The following BTBD10 variants were observed in gnomAD, a reference collection of about 807,000 sequenced individuals.
BTBD10 encodes BTB/POZ domain-containing protein 10.
A neutral mutation model predicts 53.2 loss-of-function variants in BTBD10; 21 were observed. That is an observed-to-expected ratio of 0.39 (90% CI 0.28 to 0.57). BTBD10 has a LOEUF of 0.57. Ranked by LOEUF, BTBD10 falls within the 20% of genes least tolerant of loss-of-function variation. The pLI, the probability that BTBD10 is intolerant of heterozygous loss-of-function variation, is 0.53. For synonymous variants in BTBD10, 149 were observed against 192.7 expected, an observed-to-expected ratio of 0.77 and a Z score of 1.88; for missense variants, 360 against 594.7, an observed-to-expected ratio of 0.61 and a Z score of 4.10.
chr11:13,396,656 A>T (rs974993587), intron 8 of BTBD10, among the ~76,000 whole-genome samples: 12 of 152,228 alleles, frequency 7.9e-5, no homozygotes, highest in African/African-American at 2.9e-4. Context: ...TTGCCCATTC[A>T]GTATGATACT....
chr11:13,440,133 C>G, intron 2 of BTBD10: 2 of 1,508,008 alleles, frequency 1.3e-6, no homozygotes, highest in Middle Eastern at 1.7e-4. Flanking sequence ...CCTCCCTCTA[C>G]TGTGTAATAA....
chr11:13,436,508 T>C (rs1158828429), intron 2 of BTBD10, among the ~76,000 whole-genome samples: 1 of 152,168 alleles, frequency 6.6e-6, no homozygotes, highest in Non-Finnish European at 1.5e-5. Context: ...CACTTGGGCA[T>C]TTAGAACAAT....
chr11:13,457,867 A>C (rs1265098920), intron 1 of BTBD10, among the ~76,000 whole-genome samples: 1 of 152,150 alleles, frequency 6.6e-6, no homozygotes, highest in Non-Finnish European at 1.5e-5. Context: ...TTATGGTACC[A>C]TTTTCTTCTT....
intron 1 of BTBD10, chr11:13,459,774 A>C (rs1008405908): frequency 6.6e-6 from 1 of 152,236 alleles, no homozygotes; most frequent in African/African-American, 2.4e-5. Flanking sequence ...TAGCCTAAGA[A>C]TTGAGAGTCC....
At chr11:13,460,106 A>C (rs1324363746) in intron 1 of BTBD10, among the ~76,000 whole-genome samples, 1 of 152,234 alleles carries the variant, frequency 6.6e-6, no homozygotes, top group East Asian at 1.9e-4. Flanking sequence ...CAGAGATTGA[A>C]TGAACAGATA....
intron 8 of BTBD10, among the ~76,000 whole-genome samples, chr11:13,401,434 C>A (rs1008626602): frequency 6.6e-6 from 1 of 152,110 alleles, no homozygotes; most frequent in Non-Finnish European, 1.5e-5. Flanking sequence ...AACTTGACTT[C>A]TCTCAAGGAG....
chr11:13,451,764 T>G (rs1394502707), intron 1 of BTBD10, among the ~76,000 whole-genome samples: 1 of 152,294 alleles, frequency 6.6e-6, no homozygotes, highest in Non-Finnish European at 1.5e-5. Flanking sequence ...TGACTCCAAG[T>G]TGGCCCAGAT....
At chr11:13,417,285 T>C (rs768235133) in intron 4 of BTBD10, 25 bp from the exon 5 acceptor site, 1 of 1,513,298 alleles carries the variant, frequency 6.6e-7, no homozygotes, top group Admixed American at 1.8e-5. Context: ...AATTGAGAAA[T>C]ACGTCAATAG....
rs562160734 is a variant in BTBD10, at chr11:13,453,279, A to G, written c.-57-8098T>C. On this transcript the variant is annotated intron_variant, in intron 1 of 8. Coordinates refer to ENST00000278174, the MANE Select transcript of BTBD10 (RefSeq NM_032320.7). ...TTTACACACAAGAAAAACAAAAACA[A>G]AAAAACAGAAAAAAGAAAATTTAAA... Among the ~76,000 whole-genome samples the G allele has an allele frequency of 1.8e-4, 27 of 152,290 alleles. 1 individual carries two copies. In the South Asian group the frequency reaches 5.4e-3, roughly 30 times the overall value.
intron 8 of BTBD10, 94 bp from the exon 9 acceptor site, chr11:13,389,235 G>T: frequency 9.9e-7 from 1 of 1,011,526 alleles, no homozygotes; most frequent in Non-Finnish European, 1.4e-6. Flanking sequence ...AGATCCTAAA[G>T]AAACAAATTT....
chr11:13,417,234 T>A lies in BTBD10; in HGVS notation c.611A>T (p.Asn204Ile), dbSNP rs1445605005. 6.2e-7 allele frequency: 1 copy of A among 1,613,264 alleles called. No individual in the cohort carries two copies. The highest frequency in any genetic ancestry group is 8.5e-7 in the Non-Finnish European group (1 of 1,179,580). Residue 204 changes from asparagine (N) to isoleucine (I), a missense_variant, in exon 5 of 9, where the codon AAC (asparagine) becomes ATC (isoleucine). Asn to Ile is a moderately radical substitution (Grantham distance 149). Coordinates refer to ENST00000278174, the MANE Select transcript of BTBD10 (RefSeq NM_032320.7). ...GRMFGSGREH[N>I]FTRPNEKGEY... ...TCCTTTCTCATTGGGTCGTGTAAAG[T>A]TATGTTCTCGGCCAGATCCAAACAT...
intron 2 of BTBD10, among the ~76,000 whole-genome samples, chr11:13,424,273 G>T (rs1245553150): frequency 6.6e-6 from 1 of 152,072 alleles, no homozygotes; most frequent in African/African-American, 2.4e-5. Flanking sequence ...TTTGAGTAAG[G>T]GCCAAGCAGA....
intron 1 of BTBD10, among the ~76,000 whole-genome samples, chr11:13,456,898 C>T (rs985263891): frequency 2.9e-4 from 44 of 152,150 alleles, no homozygotes; most frequent in Non-Finnish European, 7.3e-5. Flanking sequence ...CAGTGACTCA[C>T]GCCTATAATC....
At chr11:13,425,543 A>G (rs1280622740) in intron 2 of BTBD10, among the ~76,000 whole-genome samples, 1 of 152,198 alleles carries the variant, frequency 6.6e-6, no homozygotes, top group African/African-American at 2.4e-5. Flanking sequence ...AACATTAAAA[A>G]GTCACTATAA....
intron 5 of BTBD10, among the ~76,000 whole-genome samples, chr11:13,415,354 G>A (rs1324700142): frequency 6.6e-6 from 1 of 152,114 alleles, no homozygotes; most frequent in East Asian, 1.9e-4. Flanking sequence ...CTGACAAACT[G>A]CATCTGCCGC....
chr11:13,388,645 A>G lies in BTBD10; in HGVS notation c.*186T>C, dbSNP rs1360585045. The G allele has an allele frequency of 1.8e-6, 1 of 556,262 alleles. No individual in the cohort carries two copies. Among genetic ancestry groups the G allele is most frequent in the Non-Finnish European group, 3.1e-6 (1 of 327,364 alleles). The allele number at this position is 556,262 out of a possible 1,614,324, so 34.5% of individuals were successfully genotyped here. On this transcript the variant is annotated 3_prime_UTR_variant, in exon 9 of 9. Transcript: ENST00000278174. ...TTTACAACTGGAACTTCAAAATGCT[A>G]GAGTTGTACTCATTTAAAAAAAAAC... is the stretch of plus-strand genomic sequence containing the variant.
chr11:13,420,429 T>C (rs1324347162), intron 3 of BTBD10, among the ~76,000 whole-genome samples: 1 of 152,174 alleles, frequency 6.6e-6, no homozygotes, highest in Non-Finnish European at 1.5e-5. Flanking sequence ...TTTTATGATC[T>C]ATAATTACAG....
At chr11:13,456,887 G>A (rs919856996) in intron 1 of BTBD10, among the ~76,000 whole-genome samples, 46 of 152,244 alleles carry the variant, frequency 3.0e-4, no homozygotes, top group African/African-American at 5.8e-4. Context: ...AGGGTCTGGC[G>A]CAGTGACTCA....
At chr11:13,450,472 C>T (rs1950837037) in intron 1 of BTBD10, among the ~76,000 whole-genome samples, 1 of 152,112 alleles carries the variant, frequency 6.6e-6, no homozygotes, top group African/African-American at 2.4e-5. Flanking sequence ...GAGCTTCTAT[C>T]CTTAGGAATA....
Sources: gnomAD v4.1 joint callset for allele counts (sites outside exome capture counted in the v4.1 genomes callset) on GRCh38, gnomAD v4.1.1 for gene constraint, MANE v1.5 for transcripts, NCBI Gene and HGNC (gene_info 2026-07-23, HGNC 2026-07-21) for gene names.